MAGI2: variants seen among roughly 807,000 people sequenced by gnomAD.
MAGI2 encodes the protein membrane-associated guanylate kinase, WW and PDZ domain-containing protein 2.
A neutral mutation model predicts 133.3 loss-of-function variants in MAGI2; 35 were observed. That is an observed-to-expected ratio of 0.26 (90% confidence interval 0.20 to 0.35). The LOEUF (loss-of-function observed/expected upper bound fraction) is 0.35, where lower values mean the gene tolerates loss of function less well. Among genes scored for constraint, MAGI2 ranks in the 10% least tolerant of loss-of-function variants. The pLI, the probability that MAGI2 is intolerant of heterozygous loss-of-function variation, is 1.00. For synonymous variants in MAGI2, 729 were observed against 710.6 expected, an observed-to-expected ratio of 1.03 and a Z score of -0.41; for missense variants, 1,636 against 1,863.4, an observed-to-expected ratio of 0.88 and a Z score of 2.25.
At chr7:78,512,342 A>G (rs1185768963) in intron 4 of MAGI2, among the ~76,000 whole-genome samples, 3 of 152,128 alleles carry the variant, frequency 2.0e-5, no homozygotes, top group Non-Finnish European at 4.4e-5. Flanking sequence ...TTGGGATGAT[A>G]CCTCAATCCA....
At chr7:79,213,193 T>C (rs1044823886) in intron 1 of MAGI2, among the ~76,000 whole-genome samples, 1 of 151,158 alleles carries the variant, frequency 6.6e-6, no homozygotes, top group Non-Finnish European at 1.5e-5. Context: ...TTTTTCTGTA[T>C]AGATTTTTCT....
intron 1 of MAGI2, among the ~76,000 whole-genome samples, chr7:79,376,841 G>GTGTGTGTGTGTGTGTGTGT (rs1563166210): frequency 2.4e-3 from 348 of 147,566 alleles, no homozygotes; most frequent in African/African-American, 8.4e-3. Flanking sequence ...TGTGTGTGTG[G>GTGTGTGTGTGTGTGTGTGT]GTGTATGGCG....
chr7:79,218,811 ACAAAAT>A (rs1289791710), intron 1 of MAGI2, among the ~76,000 whole-genome samples: 2 of 152,148 alleles, frequency 1.3e-5, no homozygotes, highest in Admixed American at 1.3e-4. Context: ...TTGGCAGTAC[ACAAAAT>A]CAAAGTCTAA....
rs185393370 is a variant in MAGI2, at chr7:78,410,602, A to G, written c.1046-41389T>C. Among the ~76,000 whole-genome samples, 375 of 152,200 alleles carry G rather than the reference A, an allele frequency of 2.5e-3. 2 individuals carry two copies. The highest frequency in any genetic ancestry group is 8.5e-3 in the African/African-American group (352 of 41,564). The stretch of plus-strand genomic sequence containing the variant: ...CCTGCCTGGTATACAGTTGATGCTC[A>G]GTACATAGTTGATGAAGAAATAAAT... On this transcript the variant is annotated intron_variant, in intron 6 of 21. Transcript: ENST00000354212.
intron 1 of MAGI2, among the ~76,000 whole-genome samples, chr7:79,238,474 A>C (rs1241781958): frequency 6.6e-6 from 1 of 152,170 alleles, no homozygotes; most frequent in Non-Finnish European, 1.5e-5. Flanking sequence ...GTATTATGGC[A>C]GGACATATAC....
chr7:78,053,761 G>A (rs962459828), intron 21 of MAGI2, among the ~76,000 whole-genome samples: 5 of 152,158 alleles, frequency 3.3e-5, no homozygotes, highest in Admixed American at 1.3e-4. Flanking sequence ...GAACGATCAG[G>A]TAGAGAAGGA....
intron 1 of MAGI2, among the ~76,000 whole-genome samples, chr7:79,221,250 A>C (rs1201691141): frequency 6.6e-6 from 1 of 152,198 alleles, no homozygotes; most frequent in South Asian, 2.1e-4. Flanking sequence ...TTAGAAAATT[A>C]TTTCCATGCA....
rs1796509836 is a variant in MAGI2, at chr7:78,521,580, G to T, written c.604C>A (p.Gln202Lys). Reference protein sequence around the residue: ...PAPLLLNVTDQILPGATPSAE... With the variant: ...PAPLLLNVTDKILPGATPSAE... ...CTTGGAGTGGCTCCTGGAAGTATCTGGTCTGTTACATTTAACAATAATGGT... is the reference window on the plus strand; with the variant it reads ...CTTGGAGTGGCTCCTGGAAGTATCTTGTCTGTTACATTTAACAATAATGGT... Residue 202 changes from glutamine (Q) to lysine (K), a missense_variant, in exon 4 of 22, where the codon CAG (glutamine) becomes AAG (lysine). Gln to Lys is a moderately conservative substitution (Grantham distance 53, BLOSUM62 1). Coordinates refer to ENST00000354212, the MANE Select transcript of MAGI2 (RefSeq NM_012301.4). The T allele has an allele frequency of 6.2e-7, 1 of 1,614,050 alleles. No individual in the cohort carries two copies. The highest frequency in any genetic ancestry group is 8.5e-7 in the Non-Finnish European group (1 of 1,180,018).
intron 14 of MAGI2, 139 bp downstream of exon 14, chr7:78,177,870 GAA>G (rs113984102): frequency 4.2e-5 from 22 of 527,038 alleles, no homozygotes; most frequent in African/African-American, 4.0e-4. Context: ...AAACAGCAAG[GAA>G]AAAAAAAATC....
At chr7:78,162,103 T>C (rs928751634) in intron 15 of MAGI2, among the ~76,000 whole-genome samples, 4 of 152,220 alleles carry the variant, frequency 2.6e-5, no homozygotes, top group Non-Finnish European at 5.9e-5. Flanking sequence ...ATTATGCTGC[T>C]ACATTAAATT....
In MAGI2 at chr7:78,019,709, C is replaced by T; in HGVS notation, c.3974G>A (p.Arg1325Gln). 6.3e-7 allele frequency: 1 copy of T among 1,581,618 alleles called. No homozygotes were observed. Among genetic ancestry groups the T allele is most frequent in the Non-Finnish European group, 8.5e-7 (1 of 1,169,660 alleles). ...ERSASPQRAA[R>Q]PRLEEAPGGQ... is the part of the protein sequence containing the mutation. The stretch of plus-strand genomic sequence containing the variant: ...GCCGGGCGCCTCCTCGAGCCTCGGC[C>T]GCGCGGCCCTCTGCGGACTCGCCGA... Residue 1325 changes from arginine to glutamine, a missense_variant, in exon 22 of 22, where the codon CGG (arginine) becomes CAG (glutamine). By Grantham distance (43) the Arg-to-Gln change is conservative. Coordinates refer to ENST00000354212, the MANE Select transcript of MAGI2 (RefSeq NM_012301.4).
chr7:79,129,188 A>G (rs1461354994), intron 1 of MAGI2, among the ~76,000 whole-genome samples: 1 of 152,182 alleles, frequency 6.6e-6, no homozygotes, highest in African/African-American at 2.4e-5. Context: ...TGTGCTCAGA[A>G]CACTTACATT....
At chr7:79,354,360 T>G (rs1392672430) in intron 1 of MAGI2, 2 of 152,430 alleles carry the variant, frequency 1.3e-5, no homozygotes, top group African/African-American at 2.4e-5. Flanking sequence ...GGGTTCTGAT[T>G]GTGGTTCCAC....
rs10215378 is a variant in MAGI2 at position 78,844,328 on chromosome 7, A to G, written c.418+162762T>C. The stretch of plus-strand genomic sequence containing the variant: ...GTATATACCCAAGAAAAATAAAAAC[A>G]TATGTCCACACTATTGCTTGTATGT... On this transcript the variant is annotated intron_variant, in intron 2 of 21. Coordinates refer to ENST00000354212, the MANE Select transcript of MAGI2 (RefSeq NM_012301.4). 7.7e-3 allele frequency among the ~76,000 whole-genome samples: 1,167 copies of G among 151,986 alleles called. 19 individuals carry two copies. Among genetic ancestry groups the G allele is most frequent in the African/African-American group, 0.027 (1,103 of 41,508 alleles).
At chr7:78,601,773 ATT>A (rs1203792433) in intron 3 of MAGI2, among the ~76,000 whole-genome samples, 7 of 152,328 alleles carry the variant, frequency 4.6e-5, no homozygotes, top group African/African-American at 1.7e-4. Context: ...ATAGTAACAG[ATT>A]TTGAGGTATT....
At chr7:78,185,484 T>C in intron 13 of MAGI2, 145 bp downstream of exon 13, 1 of 492,974 alleles carries the variant, frequency 2.0e-6, no homozygotes, top group Non-Finnish European at 3.5e-6. Context: ...AGACTTGCTG[T>C]CTACCTTGAA....
chr7:78,127,899 T>C (rs1036911440), intron 18 of MAGI2, among the ~76,000 whole-genome samples: 1 of 152,164 alleles, frequency 6.6e-6, no homozygotes, highest in African/African-American at 2.4e-5. Flanking sequence ...CTAAATACAT[T>C]ACAAATACAC....
At chr7:78,294,099 T>C (rs1050947458) in intron 9 of MAGI2, among the ~76,000 whole-genome samples, 2 of 152,112 alleles carry the variant, frequency 1.3e-5, no homozygotes, top group Non-Finnish European at 1.5e-5. Flanking sequence ...TATAATTCTT[T>C]AGGAAATACT....
At chr7:78,234,939 C>G (rs947994371) in intron 10 of MAGI2, among the ~76,000 whole-genome samples, 2 of 152,012 alleles carry the variant, frequency 1.3e-5, no homozygotes, top group African/African-American at 4.8e-5. Context: ...AAATTTATTA[C>G]AGTATAGTGG....
Sources: gnomAD v4.1 joint callset for allele counts (sites outside exome capture counted in the v4.1 genomes callset) on GRCh38, gnomAD v4.1.1 for gene constraint, MANE v1.5 for transcripts, NCBI Gene and HGNC (gene_info 2026-07-23, HGNC 2026-07-21) for gene names.